The following FUT8 variants were observed in gnomAD, a reference collection of about 807,000 sequenced individuals.
FUT8 encodes alpha-(1,6)-fucosyltransferase.
Under a neutral mutation model 71.3 loss-of-function variants are expected in FUT8, and 29 were observed. The observed-to-expected ratio is 0.41, with a 90% CI of 0.30 to 0.55. The LOEUF (loss-of-function observed/expected upper bound fraction) is 0.55, where lower values mean the gene tolerates loss of function less well. FUT8 is among the 20% of genes least tolerant of loss of function. The probability of loss-of-function intolerance (pLI) is 0.34; values close to 1 mark genes in which losing one functional copy is unlikely to be tolerated. For synonymous variants in FUT8, 254 were observed against 239.3 expected, an observed-to-expected ratio of 1.06 and a Z score of -0.57; for missense variants, 544 against 702.1, an observed-to-expected ratio of 0.77 and a Z score of 2.55.
At chr14:65,453,821 T>C (rs903232594) in intron 1 of FUT8, among the ~76,000 whole-genome samples, 5 of 152,246 alleles carry the variant, frequency 3.3e-5, no homozygotes, top group Non-Finnish European at 5.9e-5. Flanking sequence ...GTAGCTTTTT[T>C]CTGCTTAAGT....
At chr14:65,453,605 G>T (rs2065857714) in intron 1 of FUT8, among the ~76,000 whole-genome samples, 1 of 152,084 alleles carries the variant, frequency 6.6e-6, no homozygotes, top group African/African-American at 2.4e-5. Context: ...CCCTCCTGAG[G>T]TCTGTACCTA....
chr14:65,393,990 CTTG>C, the FUT8 span, among the ~76,000 whole-genome samples: 1 of 152,192 alleles, frequency 6.6e-6, no homozygotes, highest in South Asian at 2.1e-4. Context: ...GAGTTTTGCT[CTTG>C]TTGTCCAGGC....
At chr14:65,717,672 G>A (rs1375915761) in intron 7 of FUT8, among the ~76,000 whole-genome samples, 14 of 144,132 alleles carry the variant, frequency 9.7e-5, no homozygotes, top group African/African-American at 2.3e-4. Context: ...TTTCCCAGAC[G>A]GGGCGGCTGG....
At chr14:65,655,475 CAA>C (rs575608113) in intron 6 of FUT8, among the ~76,000 whole-genome samples, 5 of 49,680 alleles carry the variant, frequency 1.0e-4, no homozygotes, top group Admixed American at 6.8e-4. Flanking sequence ...GACTCCGTCT[CAA>C]AAAAAAAAAA....
At chr14:65,709,633 A>G (rs1894719440) in intron 7 of FUT8, among the ~76,000 whole-genome samples, 1 of 152,194 alleles carries the variant, frequency 6.6e-6, no homozygotes, top group South Asian at 2.1e-4. Flanking sequence ...GAAAGTAAGA[A>G]GAAAAAAAGT....
At chr14:65,404,056 G>A in the FUT8 span, among the ~76,000 whole-genome samples, 9 of 151,494 alleles carry the variant, frequency 5.9e-5, no homozygotes, top group Non-Finnish European at 1.2e-4. Flanking sequence ...AGTAGAGACA[G>A]GGTTTCACGA....
At chr14:65,705,505 T>G (rs1894513420) in intron 7 of FUT8, among the ~76,000 whole-genome samples, 1 of 152,264 alleles carries the variant, frequency 6.6e-6, no homozygotes, top group African/African-American at 2.4e-5. Flanking sequence ...GCTTTCAGCC[T>G]TGATCTCCTT....
At chr14:65,522,947 C>T (rs1312651213) in intron 2 of FUT8, among the ~76,000 whole-genome samples, 1 of 152,088 alleles carries the variant, frequency 6.6e-6, no homozygotes, top group African/African-American at 2.4e-5. Context: ...GTATATGTGC[C>T]ACATTTTCTC....
rs578054137 is a variant in FUT8 at position 65,447,913 on chromosome 14, A to T, written c.-325-7708A>T. Reference sequence around the variant, plus strand: ...TCGGGATTAGTTTCTCAATGCCAGAATGTGTTTCTTGAAAGGCACGATAAC... The same window carrying T: ...TCGGGATTAGTTTCTCAATGCCAGATTGTGTTTCTTGAAAGGCACGATAAC... On this transcript the variant is annotated intron_variant, in intron 1 of 10. Coordinates refer to ENST00000673929, the MANE Select transcript of FUT8 (RefSeq NM_001371533.1). 5.3e-5 allele frequency among the ~76,000 whole-genome samples: 8 copies of T among 152,310 alleles called. No homozygotes were observed. The East Asian group carries it at 1.5e-3, about 29-fold the overall frequency.
At chr14:65,407,203 T>A (rs8005892), upstream of FUT8, among the ~76,000 whole-genome samples, 2 of 152,174 alleles carry the variant, frequency 1.3e-5, no homozygotes, top group African/African-American at 2.4e-5. Flanking sequence ...AGTAATATAC[T>A]GGCTCAATAC....
chr14:65,465,079 A>G (rs2066023166), intron 2 of FUT8, among the ~76,000 whole-genome samples: 1 of 152,162 alleles, frequency 6.6e-6, no homozygotes, highest in South Asian at 2.1e-4. Flanking sequence ...GGATTGGTCC[A>G]TTTCACCTAA....
chr14:65,688,372 T>G (rs941922843), intron 7 of FUT8, among the ~76,000 whole-genome samples: 1 of 151,570 alleles, frequency 6.6e-6, no homozygotes, highest in Non-Finnish European at 1.5e-5. Flanking sequence ...CTGGCTTTTG[T>G]TTTTTTTAAG....
Position 65,723,324 on chromosome 14 carries a change from TAA to T in FUT8, c.1083-811_1083-810del, listed in dbSNP as rs71126786. Among the ~76,000 whole-genome samples the T allele has an allele frequency of 2.1e-4, 31 of 147,904 alleles. No homozygotes were observed. The Middle Eastern group carries it at 0.01, about 50-fold the overall frequency. Reference sequence around the variant, plus strand: ...TGTGCAACAGAGCAAGACCTTGTCTTAAAAAAAAAAAAATTACTTTGGAAACA... The same window carrying T: ...TGTGCAACAGAGCAAGACCTTGTCTTAAAAAAAAAAATTACTTTGGAAACA... On this transcript the variant is annotated intron_variant, in intron 8 of 10. Transcript: ENST00000673929.
rs545301585 is a variant in FUT8 at position 65,584,802 on chromosome 14, T to G, written c.203+23036T>G. 3.7e-4 allele frequency among the ~76,000 whole-genome samples: 56 copies of G among 152,334 alleles called. No individual in the cohort carries two copies. The South Asian group carries it at 8.1e-3, about 22-fold the overall frequency. ...TTCTTCTTTGTCATCTTTCAGTACT[T>G]AACTCCTTAGTTTGTGTATGTTTGT... On this transcript the variant is annotated intron_variant, in intron 3 of 10. Coordinates refer to ENST00000673929, the MANE Select transcript of FUT8 (RefSeq NM_001371533.1).
At chr14:65,606,928 A>T (rs947620058) in intron 3 of FUT8, among the ~76,000 whole-genome samples, 4 of 151,856 alleles carry the variant, frequency 2.6e-5, no homozygotes, top group Middle Eastern at 3.2e-3. Flanking sequence ...TGTATGAGGT[A>T]TGTTGCTGTT....
At chr14:65,597,623 A>T (rs911953169) in intron 3 of FUT8, among the ~76,000 whole-genome samples, 10 of 21,362 alleles carry the variant, frequency 4.7e-4, no homozygotes, top group African/African-American at 1.8e-3. Context: ...ACTCTGTCTA[A>T]AAAAAAAAAA....
rs918535028 is a variant in FUT8 at position 65,472,402 on chromosome 14, C to T, written c.-228+16684C>T. Among the ~76,000 whole-genome samples the T allele has an allele frequency of 9.2e-5, 14 of 152,018 alleles. No homozygotes were observed. Among genetic ancestry groups the T allele is most frequent in the Non-Finnish European group, 1.5e-5 (1 of 68,002 alleles). On this transcript the variant is annotated intron_variant, in intron 2 of 10. Coordinates refer to ENST00000673929, the MANE Select transcript of FUT8 (RefSeq NM_001371533.1). This position sits in a 1 kb window ranked among gnomAD's most constrained non-coding sequence, Gnocchi z 4.4. ...AACAACATCTCCCATTAGGCCCCAC[C>T]CCCAACATTGAGATCAAATTTCAAC...
At chr14:65,478,634 G>GT (rs906924101) in intron 2 of FUT8, among the ~76,000 whole-genome samples, 2 of 152,120 alleles carry the variant, frequency 1.3e-5, no homozygotes, top group African/African-American at 2.4e-5. Flanking sequence ...GGCTCTAGCT[G>GT]TTTAAGTTCC....
At chr14:65,422,633 G>A (rs2065316324) in intron 1 of FUT8, among the ~76,000 whole-genome samples, 1 of 151,808 alleles carries the variant, frequency 6.6e-6, no homozygotes, top group South Asian at 2.1e-4. Flanking sequence ...CGAATAGCTG[G>A]GATGCAAGTG....
Sources: allele counts gnomAD v4.1 joint callset (sites outside exome capture counted in the v4.1 genomes callset), GRCh38; gene constraint gnomAD v4.1.1; non-coding constraint Gnocchi (gnomAD v3.1); transcripts MANE v1.5; gene names NCBI Gene and HGNC (gene_info 2026-07-23, HGNC 2026-07-21).